NAV2: variants seen among roughly 807,000 people sequenced by gnomAD.
NAV2 encodes the protein neuron navigator 2.
In NAV2, 54 loss-of-function variants were observed where a neutral mutation model predicts 223.2. That is an observed-to-expected ratio of 0.24 (90% CI 0.19 to 0.30). The LOEUF (loss-of-function observed/expected upper bound fraction) is 0.30, where lower values mean the gene tolerates loss of function less well. NAV2 is among the 10% of genes least tolerant of loss of function. The pLI is 1.00. For synonymous variants in NAV2, 1,279 were observed against 1,239.3 expected, an observed-to-expected ratio of 1.03 and a Z score of -0.67; for missense variants, 2,806 against 3,147.5, an observed-to-expected ratio of 0.89 and a Z score of 2.60.
At chr11:19,943,503 T>C (rs2046577503) in intron 8 of NAV2, among the ~76,000 whole-genome samples, 1 of 152,176 alleles carries the variant, frequency 6.6e-6, no homozygotes, top group African/African-American at 2.4e-5. Flanking sequence ...ATCATGGGTA[T>C]ATCATTTACT....
intron 19 of NAV2, among the ~76,000 whole-genome samples, chr11:20,060,604 A>G (rs1420002537): frequency 6.6e-6 from 1 of 152,226 alleles, no homozygotes; most frequent in East Asian, 1.9e-4. Context: ...AAGAGAGAAG[A>G]GGGCTGGAAT....
chr11:19,994,839 A>G (rs1048206626), intron 11 of NAV2, among the ~76,000 whole-genome samples: 22 of 152,196 alleles, frequency 1.4e-4, no homozygotes, highest in African/African-American at 5.3e-4. Context: ...GAAGCTTTCA[A>G]TGTCAAGGTT....
chr11:19,945,285 T>C (rs892837548), intron 8 of NAV2, among the ~76,000 whole-genome samples: 6 of 151,116 alleles, frequency 4.0e-5, no homozygotes, highest in Non-Finnish European at 8.8e-5. Flanking sequence ...TTTCTTGCCT[T>C]CTTATCTTTC....
At chr11:20,074,245 G>C (rs1286511234) in intron 22 of NAV2, among the ~76,000 whole-genome samples, 2 of 152,176 alleles carry the variant, frequency 1.3e-5, no homozygotes, top group Non-Finnish European at 2.9e-5. Flanking sequence ...GTGTGGTTTT[G>C]AGTGAGTTTC....
In NAV2 at chr11:19,515,160, C is replaced by A. The variant is rs141891778; in HGVS notation, c.75+164133C>A. Reference sequence around the variant, plus strand: ...GAGTGGTAGAGGGAGATATTCTTAACCTCATATAGCCAGTGTGGAGAATAC... The same window carrying A: ...GAGTGGTAGAGGGAGATATTCTTAAACTCATATAGCCAGTGTGGAGAATAC... On this transcript the variant is annotated intron_variant, in intron 1 of 37. Transcript: ENST00000360655. Among the ~76,000 whole-genome samples, 516 of 152,274 alleles carry A rather than the reference C, an allele frequency of 3.4e-3. 7 individuals carry two copies. The highest frequency in any genetic ancestry group is 0.018 in the South Asian group (89 of 4,816).
intron 1 of NAV2, among the ~76,000 whole-genome samples, chr11:19,470,357 T>G (rs956887844): frequency 6.6e-6 from 1 of 152,200 alleles, no homozygotes. Flanking sequence ...GGTGTCTCAA[T>G]CAATGTTATA....
At chr11:19,898,239 A>C (rs1565518594) in intron 6 of NAV2, among the ~76,000 whole-genome samples, 1 of 152,192 alleles carries the variant, frequency 6.6e-6, no homozygotes, top group Non-Finnish European at 1.5e-5. Context: ...TTTCGTTACA[A>C]AAATAATGGA....
At chr11:20,012,295 ATTG>A (rs968627630) in intron 11 of NAV2, among the ~76,000 whole-genome samples, 4 of 152,214 alleles carry the variant, frequency 2.6e-5, no homozygotes, top group Non-Finnish European at 4.4e-5. Flanking sequence ...TGCAAAAGTA[ATTG>A]TGGTTTTTGC....
At chr11:20,018,625 A>G (rs2054219607) in intron 11 of NAV2, among the ~76,000 whole-genome samples, 1 of 152,142 alleles carries the variant, frequency 6.6e-6, no homozygotes, top group South Asian at 2.1e-4. Flanking sequence ...TTGTCCTCCT[A>G]TGCTTGGTTG....
At chr11:19,929,581 T>A (rs1344442544) in intron 6 of NAV2, among the ~76,000 whole-genome samples, 1 of 152,274 alleles carries the variant, frequency 6.6e-6, no homozygotes, top group East Asian at 1.9e-4. Context: ...AATGCCCCCA[T>A]GACTTAATAA....
In NAV2 at chr11:20,068,229, T is replaced by C. The variant is rs1234497866; in HGVS notation, c.4908+20T>C. 3.1e-6 allele frequency: 5 copies of C among 1,613,780 alleles called. No individual in the cohort carries two copies. Among genetic ancestry groups the C allele is most frequent in the African/African-American group, 1.3e-5 (1 of 74,932 alleles). On this transcript the variant is annotated intron_variant, in intron 21 of 37. Transcript: ENST00000349880. Reference sequence around the variant, plus strand: ...TCAGAGGTAAGGAACAGCTTTCTGGTTGGATTTCCTCTTTAAGTATTGTCA... The same window carrying C: ...TCAGAGGTAAGGAACAGCTTTCTGGCTGGATTTCCTCTTTAAGTATTGTCA...
At chr11:19,964,340 G>A (rs1361499179) in intron 10 of NAV2, among the ~76,000 whole-genome samples, 3 of 152,130 alleles carry the variant, frequency 2.0e-5, no homozygotes, top group African/African-American at 7.2e-5. Flanking sequence ...CAGGCCCTCA[G>A]GGTACAAAGA....
intron 1 of NAV2, among the ~76,000 whole-genome samples, chr11:19,360,382 C>G (rs1438664372): frequency 6.6e-6 from 1 of 152,238 alleles, no homozygotes; most frequent in Non-Finnish European, 1.5e-5. Context: ...CCCTGTCACT[C>G]TGCCCATAGG....
intron 1 of NAV2, among the ~76,000 whole-genome samples, chr11:19,684,966 C>A (rs529224984): frequency 6.6e-6 from 1 of 152,192 alleles, no homozygotes; most frequent in Non-Finnish European, 1.5e-5. Context: ...CCAAGTCCCT[C>A]ACTCCATAAA....
In NAV2 at chr11:20,044,138, G is replaced by A; in HGVS notation, c.3065G>A (p.Ser1022Asn). Residue 1022 changes from serine (S) to asparagine (N), a missense_variant, in exon 13 of 38, where the codon AGC becomes AAC. Physicochemically the swap from Ser to Asn is conservative, Grantham distance 46. Transcript: ENST00000349880. ...PSDVSDESDK[S>N]TSGKKNPVIS... ...GATGTGTCTGACGAGTCCGACAAAA[G>A]CACGTCGGGCAAGAAGAATCCTGTC... 6.2e-7 allele frequency: 1 copy of A among 1,614,220 alleles called. No individual in the cohort carries two copies. The highest frequency in any genetic ancestry group is 1.1e-5 in the South Asian group (1 of 91,084).
intron 29 of NAV2, 57 bp from the exon 30 acceptor site, chr11:20,095,615 A>C (rs2061199723): frequency 7.9e-7 from 1 of 1,272,726 alleles, no homozygotes; most frequent in Admixed American, 1.7e-5. Context: ...TCCTCTGCTG[A>C]ACTGAGTCAG....
chr11:19,696,458 T>G (rs2049344331), intron 1 of NAV2, among the ~76,000 whole-genome samples: 1 of 152,262 alleles, frequency 6.6e-6, no homozygotes, highest in Non-Finnish European at 1.5e-5. Flanking sequence ...TGCATGACTC[T>G]CATTTAGTCT....
intron 1 of NAV2, among the ~76,000 whole-genome samples, chr11:19,456,768 C>T (rs1213700826): frequency 1.3e-5 from 2 of 152,236 alleles, no homozygotes; most frequent in African/African-American, 4.8e-5. Flanking sequence ...CTCATGCTCT[C>T]TACCCCATTC....
At chr11:19,772,926 A>G (rs1439935898) in intron 1 of NAV2, among the ~76,000 whole-genome samples, 1 of 152,240 alleles carries the variant, frequency 6.6e-6, no homozygotes, top group African/African-American at 2.4e-5. Flanking sequence ...ACAGCTGGAC[A>G]CAAATTAGTT....
Sources: allele counts gnomAD v4.1 joint callset (sites outside exome capture counted in the v4.1 genomes callset), GRCh38; gene constraint gnomAD v4.1.1; transcripts MANE v1.5; gene names NCBI Gene and HGNC (gene_info 2026-07-23, HGNC 2026-07-21).